Variants in PCDHGA6 observed in about 807,000 individuals in gnomAD.
PCDHGA6 encodes the protein protocadherin gamma subfamily A, 6, also known as protocadherin gamma-A6.
Under a neutral mutation model 60.6 loss-of-function variants are expected in PCDHGA6, and 41 were observed. That is an observed-to-expected ratio of 0.68 (90% CI 0.53 to 0.88). The LOEUF is 0.88. Ranked by LOEUF, PCDHGA6 falls within the 40% of genes least tolerant of loss-of-function variation. PCDHGA6 has a pLI of 0.00. For synonymous variants in PCDHGA6, 594 were observed against 524.4 expected (o/e 1.13, Z -1.81); for missense variants, 1,312 against 1,203.0 (o/e 1.09, Z -1.34).
At chr5:141,388,887 G>T (rs1445900617) in intron 1 of PCDHGA6, 1 of 1,613,988 alleles carries the variant, frequency 6.2e-7, no homozygotes, top group South Asian at 1.1e-5. Context: ...GGAGGTAGAA[G>T]TCATAGATGA....
intron 2 of PCDHGA6, among the ~76,000 whole-genome samples, chr5:141,496,582 G>A (rs991035985): frequency 1.9e-4 from 29 of 152,100 alleles, no homozygotes; most frequent in Non-Finnish European, 3.5e-4. Flanking sequence ...TTTTAGGAAC[G>A]CAAAGCGCTT....
At chr5:141,450,676 G>A (rs1174388119) in intron 1 of PCDHGA6, among the ~76,000 whole-genome samples, 5 of 151,796 alleles carry the variant, frequency 3.3e-5, no homozygotes, top group African/African-American at 7.3e-5. Flanking sequence ...TAGTAGAAAC[G>A]GGGTTTTGCC....
intron 1 of PCDHGA6, among the ~76,000 whole-genome samples, chr5:141,483,160 T>C (rs1199191595): frequency 6.6e-6 from 1 of 152,176 alleles, no homozygotes; most frequent in Non-Finnish European, 1.5e-5. Flanking sequence ...AGTTAGATCC[T>C]GAGTTACCTT....
chr5:141,409,018 G>A (rs369210340), intron 1 of PCDHGA6: 31 of 1,613,814 alleles, frequency 1.9e-5, no homozygotes, highest in Non-Finnish European at 2.5e-5. Context: ...AGGATGAGGG[G>A]GTCAATGCTG....
At chr5:141,408,791 G>C (rs1260366830) in intron 1 of PCDHGA6, 1 of 1,612,540 alleles carries the variant, frequency 6.2e-7, no homozygotes, top group East Asian at 2.2e-5. Context: ...GTTATCTCTG[G>C]AGAAACTCCT....
chr5:141,393,535 T>G, intron 1 of PCDHGA6: 1 of 1,613,888 alleles, frequency 6.2e-7, no homozygotes, highest in Non-Finnish European at 8.5e-7. Context: ...AATGCCCCGG[T>G]TTTTCCTCAC....
intron 1 of PCDHGA6, chr5:141,384,651 C>G (rs138410124): frequency 1.2e-6 from 2 of 1,614,076 alleles, no homozygotes; most frequent in Non-Finnish European, 1.7e-6. Context: ...CCGCAGAGCC[C>G]GGCTACCTGG....
Position 141,476,129 on chromosome 5 carries a change from G to T in PCDHGA6, c.2425-18678G>T, listed in dbSNP as rs2099385585. 6.2e-7 allele frequency: 1 copy of T among 1,606,848 alleles called. No homozygotes were observed. The highest frequency in any genetic ancestry group is 1.3e-5 in the African/African-American group (1 of 75,000). On this transcript the variant is annotated intron_variant, in intron 1 of 3. Transcript: ENST00000517434. The surrounding 1 kb of genome is among the most constrained non-coding windows in gnomAD (Gnocchi z 7.6). ...GCTTTTGAGTGAGATGGTCCCAGAG[G>T]CCTGGAGGAGCGGACTGGTAAGCAC...
chr5:141,375,536 G>A lies in PCDHGA6; in HGVS notation c.1453G>A (p.Ala485Thr). The change falls in exon 1 of 4, where the codon GCC (alanine) becomes ACC (threonine). Residue 485 changes from alanine (A) to threonine (T), a missense_variant. Transcript: ENST00000517434. ...ACTGGACCCTGACGTGGACCAGAAC[G>A]CCCAAGTCTCCTACTCACTGGCAGA... is the stretch of plus-strand genomic sequence containing the variant. ...NALDPDVDQN[A>T]QVSYSLAEDT... 1 of 1,613,972 alleles carries A rather than the reference G, an allele frequency of 6.2e-7. No individual in the cohort carries two copies. Among genetic ancestry groups the A allele is most frequent in the African/African-American group, 1.3e-5 (1 of 75,030 alleles).
chr5:141,398,566 C>T, intron 1 of PCDHGA6: 1 of 1,613,980 alleles, frequency 6.2e-7, no homozygotes, highest in Non-Finnish European at 8.5e-7. Flanking sequence ...TGAGTCTGCA[C>T]AGCCTGGCAC....
intron 1 of PCDHGA6, chr5:141,421,700 C>G: frequency 6.2e-7 from 1 of 1,613,900 alleles, no homozygotes; most frequent in Non-Finnish European, 8.5e-7. Context: ...CTTCCTAATG[C>G]TAGGGATCCA....
At chr5:141,433,204 C>A in intron 1 of PCDHGA6, 1 of 1,566,946 alleles carries the variant, frequency 6.4e-7, no homozygotes, top group Non-Finnish European at 8.6e-7. Flanking sequence ...ATCAAATCTT[C>A]TTTCTTTTTT....
chr5:141,420,246 T>C (rs1216078492), intron 1 of PCDHGA6: 3 of 1,583,234 alleles, frequency 1.9e-6, no homozygotes, highest in African/African-American at 2.7e-5. Context: ...ACTCCCAGCG[T>C]TGAAGCAGAT....
At chr5:141,503,229 T>C (rs986982708) in intron 2 of PCDHGA6, among the ~76,000 whole-genome samples, 1 of 152,080 alleles carries the variant, frequency 6.6e-6, no homozygotes, top group African/African-American at 2.4e-5. Context: ...ACCGTAAAGA[T>C]GGACAGTTTC....
chr5:141,441,179 C>G (rs150511376), intron 1 of PCDHGA6: 13 of 152,210 alleles, frequency 8.5e-5, no homozygotes, highest in South Asian at 2.1e-4. Context: ...ACTTCTAATT[C>G]CACAATGATT....
At chr5:141,395,374 T>G (rs145897132) in intron 1 of PCDHGA6, 6 of 1,187,780 alleles carry the variant, frequency 5.1e-6, no homozygotes, top group Non-Finnish European at 6.9e-6. Flanking sequence ...ATTTTGGTGG[T>G]GTTACTATAA....
chr5:141,382,260 G>T (rs1033176333), intron 1 of PCDHGA6, among the ~76,000 whole-genome samples: 8 of 152,108 alleles, frequency 5.3e-5, no homozygotes, highest in African/African-American at 1.4e-4. Context: ...GCATCATGGT[G>T]TCTAGAACAT....
Position 141,376,310 on chromosome 5 carries a change from G to C in PCDHGA6, c.2227G>C (p.Val743Leu). The C allele has an allele frequency of 6.2e-7, 1 of 1,613,946 alleles. No individual in the cohort carries two copies. ...ASMPGSHFVG[V>L]EGVRAFLQTY... ...CATGCCCGGCTCGCACTTTGTGGGC[G>C]TGGAAGGGGTTCGGGCTTTCCTGCA... The change falls in exon 1 of 4, where the codon GTG becomes CTG. Residue 743 changes from valine to leucine, a missense_variant. Physicochemically the swap from Val to Leu is conservative, Grantham distance 32 (BLOSUM62 1). Transcript: ENST00000517434.
chr5:141,382,017 C>T (rs1288762588), intron 1 of PCDHGA6, among the ~76,000 whole-genome samples: 2 of 151,562 alleles, frequency 1.3e-5, no homozygotes, highest in African/African-American at 2.4e-5. Flanking sequence ...TTAGTAGAGA[C>T]GGGGTTTCTC....
Sources: allele counts gnomAD v4.1 joint callset (sites outside exome capture counted in the v4.1 genomes callset), GRCh38; gene constraint gnomAD v4.1.1; non-coding constraint Gnocchi (gnomAD v3.1); transcripts MANE v1.5; gene names NCBI Gene and HGNC (gene_info 2026-07-23, HGNC 2026-07-21).